The following KCNQ3 variants were observed in gnomAD, a reference collection of about 807,000 sequenced individuals.
The protein encoded by KCNQ3 is potassium voltage-gated channel subfamily KQT member 3.
In KCNQ3, 30 loss-of-function variants were observed where a neutral mutation model predicts 92.5. The observed-to-expected ratio is 0.32, with a 90% CI of 0.24 to 0.44. KCNQ3 has a LOEUF of 0.44. KCNQ3 is among the 20% of genes least tolerant of loss of function. The pLI is 1.00. For missense variants in KCNQ3, 913 were observed against 1,140.3 expected (o/e 0.80, Z 2.87); for synonymous variants, 450 against 468.8 (o/e 0.96, Z 0.52).
intron 1 of KCNQ3, among the ~76,000 whole-genome samples, chr8:132,306,492 G>A (rs890666692): frequency 6.6e-6 from 1 of 152,154 alleles, no homozygotes; most frequent in African/African-American, 2.4e-5. Context: ...TTTTAAGGAG[G>A]GTGGGGTGCC....
intron 1 of KCNQ3, among the ~76,000 whole-genome samples, chr8:132,224,035 C>T (rs796195323): frequency 7.4e-5 from 11 of 148,362 alleles, no homozygotes; most frequent in African/African-American, 2.7e-4. Flanking sequence ...CCTGCCTCAG[C>T]CTCTCAAGTA....
At chr8:132,396,369 G>T (rs1820194197) in intron 1 of KCNQ3, among the ~76,000 whole-genome samples, 1 of 147,976 alleles carries the variant, frequency 6.8e-6, no homozygotes, top group Admixed American at 6.8e-5. Flanking sequence ...CACTTATACT[G>T]CAAAGAAAAA....
intron 1 of KCNQ3, among the ~76,000 whole-genome samples, chr8:132,292,992 C>T (rs1047717003): frequency 6.6e-6 from 1 of 152,114 alleles, no homozygotes; most frequent in African/African-American, 2.4e-5. Flanking sequence ...GGTTGTCAAT[C>T]ATGCCTAAGT....
intron 1 of KCNQ3, among the ~76,000 whole-genome samples, chr8:132,365,279 C>T (rs750764588): frequency 6.6e-6 from 1 of 152,228 alleles, no homozygotes; most frequent in Non-Finnish European, 1.5e-5. Flanking sequence ...TATTGGGTGC[C>T]AACTTTGTGT....
intron 3 of KCNQ3, among the ~76,000 whole-genome samples, chr8:132,181,475 T>C (rs908332696): frequency 1.3e-5 from 2 of 152,212 alleles, no homozygotes; most frequent in Non-Finnish European, 2.9e-5. Flanking sequence ...TCTGCAGATA[T>C]ACACTGTGGT....
intron 1 of KCNQ3, among the ~76,000 whole-genome samples, chr8:132,191,620 TA>T (rs1827165938): frequency 6.8e-6 from 1 of 147,860 alleles, no homozygotes; most frequent in Non-Finnish European, 1.5e-5. Flanking sequence ...TATGTATATA[TA>T]ATATATATAA....
intron 1 of KCNQ3, among the ~76,000 whole-genome samples, chr8:132,279,337 G>T (rs1816441829): frequency 6.6e-6 from 1 of 152,182 alleles, no homozygotes; most frequent in Non-Finnish European, 1.5e-5. Flanking sequence ...TTACCGTGCA[G>T]CATGGTTAAG....
At chr8:132,130,837 T>G (rs916075234) in intron 14 of KCNQ3, among the ~76,000 whole-genome samples, 2 of 152,216 alleles carry the variant, frequency 1.3e-5, no homozygotes, top group Non-Finnish European at 2.9e-5. Flanking sequence ...TGAACTTTTG[T>G]GAATGAATAT....
At chr8:132,134,005 G>C (rs1824975952) in intron 13 of KCNQ3, among the ~76,000 whole-genome samples, 1 of 152,198 alleles carries the variant, frequency 6.6e-6, no homozygotes, top group African/African-American at 2.4e-5. Context: ...AAGCTCATAA[G>C]TCTCCTCTTG....
intron 1 of KCNQ3, among the ~76,000 whole-genome samples, chr8:132,427,389 G>GT (rs1187693568): frequency 6.6e-6 from 1 of 152,164 alleles, no homozygotes; most frequent in Non-Finnish European, 1.5e-5. Flanking sequence ...CTCCTTTAAC[G>GT]TAAGGAGTCA....
intron 1 of KCNQ3, among the ~76,000 whole-genome samples, chr8:132,303,861 T>TAC (rs1185533831): frequency 1.1e-4 from 16 of 150,252 alleles, no homozygotes; most frequent in African/African-American, 3.7e-4. Context: ...TGTGTATATA[T>TAC]ACACACATAT....
chr8:132,459,709 C>T, intron 1 of KCNQ3, among the ~76,000 whole-genome samples: 1 of 151,536 alleles, frequency 6.6e-6, no homozygotes. Context: ...TTTACAGGTT[C>T]CTCCATTATA....
intron 1 of KCNQ3, among the ~76,000 whole-genome samples, chr8:132,290,256 G>T (rs2130552677): frequency 6.6e-6 from 1 of 152,276 alleles, no homozygotes; most frequent in East Asian, 1.9e-4. Context: ...ATTCCTTGAG[G>T]TCTAGCCAAA....
intron 1 of KCNQ3, among the ~76,000 whole-genome samples, chr8:132,267,518 C>A (rs1176230233): frequency 6.6e-6 from 1 of 152,162 alleles, no homozygotes; most frequent in Non-Finnish European, 1.5e-5. Context: ...ATAATCAAAA[C>A]CTCAGGGCCT....
rs747724995 is a variant in KCNQ3 at position 132,261,830 on chromosome 8, GT to G, written c.387-75650del. 3.9e-5 allele frequency among the ~76,000 whole-genome samples: 6 copies of G among 152,314 alleles called. No homozygotes were observed. The Middle Eastern group carries it at 0.01, about 259-fold the overall frequency. On this transcript the variant is annotated intron_variant, in intron 1 of 14. Transcript: ENST00000388996. ...CTATAGAATAAAATTATTGCGTGTA[GT>G]AACAAGGCTGGAACTACAGTGAGGT... is the stretch of plus-strand genomic sequence containing the variant.
chr8:132,422,414 C>T (rs1211560456), intron 1 of KCNQ3, among the ~76,000 whole-genome samples: 3 of 152,194 alleles, frequency 2.0e-5, no homozygotes, highest in African/African-American at 7.2e-5. Flanking sequence ...GGGACAGCCT[C>T]AAAGCATATG....
intron 1 of KCNQ3, among the ~76,000 whole-genome samples, chr8:132,472,639 G>A (rs1189134173): frequency 6.6e-6 from 1 of 152,146 alleles, no homozygotes; most frequent in African/African-American, 2.4e-5. Flanking sequence ...TATAAAGAGA[G>A]GTTAGTTAAT....
chr8:132,298,620 G>T (rs756052636), intron 1 of KCNQ3, among the ~76,000 whole-genome samples: 12 of 152,138 alleles, frequency 7.9e-5, no homozygotes, highest in Non-Finnish European at 1.8e-4. Context: ...ATTTACACAT[G>T]TACTCGGCCG....
At chr8:132,289,905 A>G (rs1215109325) in intron 1 of KCNQ3, among the ~76,000 whole-genome samples, 1 of 152,184 alleles carries the variant, frequency 6.6e-6, no homozygotes, top group Admixed American at 6.5e-5. Context: ...GAAGAAAAAA[A>G]TCCCAAAATC....
Sources: allele counts gnomAD v4.1 joint callset (sites outside exome capture counted in the v4.1 genomes callset), GRCh38; gene constraint gnomAD v4.1.1; transcripts MANE v1.5; gene names NCBI Gene and HGNC (gene_info 2026-07-23, HGNC 2026-07-21).